CNBD1: variants seen among roughly 807,000 people sequenced by gnomAD.
CNBD1 encodes the protein cyclic nucleotide-binding domain-containing protein 1.
Under a neutral mutation model 54.4 loss-of-function variants are expected in CNBD1, and 71 were observed. The ratio of observed to expected loss-of-function variants is 1.30; its 90% CI spans 1.08 to 1.59. The LOEUF is 1.59. Among genes scored for constraint, CNBD1 ranks in the 40% most tolerant of loss-of-function variants. CNBD1 has a pLI of 0.00. For missense variants in CNBD1, 659 were observed against 518.0 expected, an observed-to-expected ratio of 1.27 and a Z score of -2.64; for synonymous variants, 182 against 170.7, an observed-to-expected ratio of 1.07 and a Z score of -0.51.
chr8:87,380,480 A>C (rs13262544), intron 10 of CNBD1, among the ~76,000 whole-genome samples: 55,902 of 151,414 alleles, frequency 0.37, 10,580 homozygotes, highest in Middle Eastern at 0.44. Flanking sequence ...TTCTTTCTGC[A>C]GATTGATTTG....
chr8:87,219,015 T>G (rs1159807275), intron 5 of CNBD1, among the ~76,000 whole-genome samples: 2 of 151,980 alleles, frequency 1.3e-5, no homozygotes, highest in Non-Finnish European at 2.9e-5. Flanking sequence ...TATGTGTTGT[T>G]ATGCATAATA....
chr8:87,287,000 A>T (rs143802087), intron 8 of CNBD1, among the ~76,000 whole-genome samples: 3 of 152,236 alleles, frequency 2.0e-5, no homozygotes, highest in African/African-American at 7.2e-5. Context: ...AGCCACTCAC[A>T]CAGGAGAAAA....
chr8:87,063,817 T>C (rs1002930886), intron 4 of CNBD1, among the ~76,000 whole-genome samples: 9 of 152,084 alleles, frequency 5.9e-5, no homozygotes, highest in African/African-American at 1.9e-4. Context: ...AGGATTTACA[T>C]ATATCTTTTG....
Position 87,322,308 on chromosome 8 carries a change from G to A in CNBD1, c.1043-29377G>A, listed in dbSNP as rs945902917. On this transcript the variant is annotated intron_variant, in intron 8 of 10. Coordinates refer to ENST00000518476, the MANE Select transcript of CNBD1 (RefSeq NM_173538.3). ...CAGCAGCATGATTTATAGTCATTTG[G>A]GTATATACCCAGTAATGGGATGGCT... 6.6e-5 allele frequency among the ~76,000 whole-genome samples: 8 copies of A among 121,672 alleles called. 1 individual carries two copies. Among genetic ancestry groups the A allele is most frequent in the African/African-American group, 2.5e-4 (8 of 32,124 alleles). 79.8% of individuals were successfully genotyped at this position (121,672 alleles called of 152,430 possible). A position where few individuals can be genotyped will look rare whatever the true frequency, so the allele number is the denominator to read the frequency against.
At chr8:87,267,560 A>G (rs2130854995) in intron 6 of CNBD1, among the ~76,000 whole-genome samples, 1 of 152,296 alleles carries the variant, frequency 6.6e-6, no homozygotes, top group African/African-American at 2.4e-5. Flanking sequence ...TATATATCAA[A>G]TGAGGTAACA....
chr8:87,277,062 T>A (rs1296390332), intron 6 of CNBD1, among the ~76,000 whole-genome samples: 1 of 144,458 alleles, frequency 6.9e-6, no homozygotes, highest in African/African-American at 2.6e-5. Flanking sequence ...TGAATCATGA[T>A]GGGTCATTTA....
At chr8:86,965,570 T>C (rs1192772842) in intron 4 of CNBD1, among the ~76,000 whole-genome samples, 2 of 151,898 alleles carry the variant, frequency 1.3e-5, no homozygotes, top group Non-Finnish European at 2.9e-5. Flanking sequence ...TATTATGGAG[T>C]TTAGAGACTC....
At chr8:87,348,283 T>C (rs1298684355) in intron 8 of CNBD1, among the ~76,000 whole-genome samples, 4 of 152,172 alleles carry the variant, frequency 2.6e-5, no homozygotes, top group African/African-American at 9.7e-5. Context: ...CAAATAAATA[T>C]ACATTTTTAA....
chr8:87,294,380 A>G (rs1049063318), intron 8 of CNBD1, among the ~76,000 whole-genome samples: 2 of 152,160 alleles, frequency 1.3e-5, no homozygotes, highest in African/African-American at 4.8e-5. Context: ...GCACAGATGC[A>G]TATGTCTGTG....
chr8:87,235,131 A>G (rs539604781), intron 5 of CNBD1, among the ~76,000 whole-genome samples: 2 of 152,286 alleles, frequency 1.3e-5, no homozygotes, highest in East Asian at 3.9e-4. Flanking sequence ...GAACAGAAAT[A>G]GGGCCTTGTT....
At chr8:86,981,221 C>A (rs80280319) in intron 4 of CNBD1, among the ~76,000 whole-genome samples, 1 of 152,094 alleles carries the variant, frequency 6.6e-6, no homozygotes, top group African/African-American at 2.4e-5. Context: ...CAAGAATGCC[C>A]AAGTATTATG....
intron 4 of CNBD1, among the ~76,000 whole-genome samples, chr8:87,194,998 C>T (rs1004151067): frequency 2.0e-5 from 3 of 152,034 alleles, no homozygotes; most frequent in African/African-American, 7.2e-5. Flanking sequence ...ATTCTCTTGC[C>T]TCAGCCTCCC....
chr8:86,888,387 C>T (rs1205901393), intron 2 of CNBD1, among the ~76,000 whole-genome samples: 1 of 152,102 alleles, frequency 6.6e-6, no homozygotes, highest in Non-Finnish European at 1.5e-5. Flanking sequence ...TGCATTGCTG[C>T]CTCCTCCTTG....
chr8:87,276,657 AG>A, intron 6 of CNBD1, among the ~76,000 whole-genome samples: 1 of 152,014 alleles, frequency 6.6e-6, no homozygotes, highest in East Asian at 1.9e-4. Context: ...CAACTATAAA[AG>A]CTGAATAACA....
At chr8:86,922,258 CT>C (rs1239846304) in intron 3 of CNBD1, among the ~76,000 whole-genome samples, 1 of 151,908 alleles carries the variant, frequency 6.6e-6, no homozygotes, top group African/African-American at 2.4e-5. Flanking sequence ...TTTAAATGAT[CT>C]CCCCCATGGG....
At chr8:86,934,070 A>G (rs1051592138) in intron 3 of CNBD1, among the ~76,000 whole-genome samples, 1 of 152,150 alleles carries the variant, frequency 6.6e-6, no homozygotes, top group African/African-American at 2.4e-5. Context: ...AGAATGCCTG[A>G]TACCTTCTCC....
At chr8:86,954,441 C>T (rs910770694) in intron 4 of CNBD1, among the ~76,000 whole-genome samples, 2 of 152,142 alleles carry the variant, frequency 1.3e-5, no homozygotes, top group Non-Finnish European at 2.9e-5. Flanking sequence ...TGAATTTAGT[C>T]AATATGTTCA....
At chr8:87,038,366 A>G (rs541266699) in intron 4 of CNBD1, among the ~76,000 whole-genome samples, 15 of 152,302 alleles carry the variant, frequency 9.8e-5, no homozygotes, top group Non-Finnish European at 5.9e-5. Flanking sequence ...TTATTACACA[A>G]ATCAATTTTT....
chr8:87,054,211 G>A (rs1202279826), intron 4 of CNBD1, among the ~76,000 whole-genome samples: 1 of 152,168 alleles, frequency 6.6e-6, no homozygotes, highest in Admixed American at 6.5e-5. Flanking sequence ...ACAGAGATTG[G>A]AACACTAAAA....
Sources: allele counts gnomAD v4.1 joint callset (sites outside exome capture counted in the v4.1 genomes callset), GRCh38; gene constraint gnomAD v4.1.1; transcripts MANE v1.5; gene names NCBI Gene and HGNC (gene_info 2026-07-23, HGNC 2026-07-21).